EPHA5: variants seen among roughly 807,000 people sequenced by gnomAD.
EPHA5 encodes the protein ephrin type-A receptor 5.
Under a neutral mutation model 105.0 loss-of-function variants are expected in EPHA5, and 60 were observed. That is an observed-to-expected ratio of 0.57 (90% CI 0.46 to 0.71). EPHA5 has a LOEUF of 0.71. EPHA5 is among the 30% of genes least tolerant of loss of function. The pLI is 0.00. For missense variants in EPHA5, 1,218 were observed against 1,274.7 expected, an observed-to-expected ratio of 0.96 and a Z score of 0.68; for synonymous variants, 513 against 449.1, an observed-to-expected ratio of 1.14 and a Z score of -1.80.
intron 2 of EPHA5, among the ~76,000 whole-genome samples, chr4:65,625,704 T>G (rs765749579): frequency 2.0e-4 from 30 of 152,224 alleles, no homozygotes; most frequent in Non-Finnish European, 3.5e-4. Context: ...TAATACTAAT[T>G]GATTCAATTT....
intron 3 of EPHA5, among the ~76,000 whole-genome samples, chr4:65,599,958 A>G (rs1430928048): frequency 6.6e-6 from 1 of 152,140 alleles, no homozygotes. Context: ...GGCCTCTTAT[A>G]CTATCTGTCA....
intron 1 of EPHA5, among the ~76,000 whole-genome samples, chr4:65,669,087 C>T (rs1430642165): frequency 6.6e-6 from 1 of 152,106 alleles, no homozygotes; most frequent in African/African-American, 2.4e-5. Flanking sequence ...TCCAGCCACC[C>T]CCACAACGTT....
At chr4:65,634,030 C>T (rs13114860) in intron 2 of EPHA5, among the ~76,000 whole-genome samples, 4,801 of 151,968 alleles carry the variant, frequency 0.032, 143 homozygotes, top group East Asian at 0.087. Flanking sequence ...GAACTGCTAA[C>T]GAGGAGGAAC....
At chr4:65,663,556 C>T (rs1318661592) in intron 1 of EPHA5, among the ~76,000 whole-genome samples, 3 of 151,924 alleles carry the variant, frequency 2.0e-5, no homozygotes, top group Admixed American at 6.6e-5. Flanking sequence ...AGCACTTTTT[C>T]CTTCTGTTTA....
At chr4:65,472,224 C>T (rs183779766) in intron 5 of EPHA5, among the ~76,000 whole-genome samples, 31 of 152,140 alleles carry the variant, frequency 2.0e-4, no homozygotes, top group African/African-American at 7.5e-4. Flanking sequence ...TCCTTGAGTC[C>T]CTGTCTCACA....
intron 8 of EPHA5, among the ~76,000 whole-genome samples, chr4:65,385,009 T>C (rs1719943691): frequency 6.6e-6 from 1 of 151,750 alleles, no homozygotes; most frequent in African/African-American, 2.4e-5. Flanking sequence ...CGTAGGATTA[T>C]CATGATGAAC....
At chr4:65,519,175 T>C (rs775687863) in intron 3 of EPHA5, among the ~76,000 whole-genome samples, 1 of 151,766 alleles carries the variant, frequency 6.6e-6, no homozygotes, top group East Asian at 1.9e-4. Context: ...ATAATGTAAA[T>C]GCAAATAATA....
chr4:65,517,631 T>A (rs1185140789), intron 3 of EPHA5, among the ~76,000 whole-genome samples: 1 of 151,976 alleles, frequency 6.6e-6, no homozygotes, highest in African/African-American at 2.4e-5. Flanking sequence ...GAATACTGAA[T>A]AATTTTCATA....
chr4:65,366,454 T>C (rs931182487), intron 9 of EPHA5, among the ~76,000 whole-genome samples: 6 of 151,886 alleles, frequency 4.0e-5, no homozygotes, highest in Non-Finnish European at 7.4e-5. Context: ...TTTAATTTTA[T>C]GCAAAATGAT....
chr4:65,544,064 C>T (rs943301986), intron 3 of EPHA5, among the ~76,000 whole-genome samples: 33 of 151,934 alleles, frequency 2.2e-4, no homozygotes, highest in African/African-American at 7.7e-4. Flanking sequence ...ACACCTTATA[C>T]AAAAGTTAAC....
chr4:65,494,793 A>T (rs1487315606), intron 4 of EPHA5, among the ~76,000 whole-genome samples: 1 of 152,146 alleles, frequency 6.6e-6, no homozygotes, highest in Non-Finnish European at 1.5e-5. Flanking sequence ...CTCTGATCTG[A>T]TTTAAATCTT....
intron 3 of EPHA5, among the ~76,000 whole-genome samples, chr4:65,547,731 T>C (rs1022142891): frequency 6.6e-6 from 1 of 152,050 alleles, no homozygotes; most frequent in African/African-American, 2.4e-5. Flanking sequence ...ATTGGCCCTT[T>C]TGACAATCTC....
At chr4:65,500,151 T>C (rs532064564) in intron 3 of EPHA5, among the ~76,000 whole-genome samples, 1 of 151,442 alleles carries the variant, frequency 6.6e-6, no homozygotes, top group Non-Finnish European at 1.5e-5. Flanking sequence ...TAAATACCAA[T>C]CCAAAATGGT....
chr4:65,445,795 A>G (rs933349735), intron 5 of EPHA5, among the ~76,000 whole-genome samples: 1 of 152,166 alleles, frequency 6.6e-6, no homozygotes, highest in African/African-American at 2.4e-5. Flanking sequence ...CTTCAAATCC[A>G]CATATGGATA....
intron 13 of EPHA5, among the ~76,000 whole-genome samples, chr4:65,351,122 T>C (rs1004494422): frequency 6.6e-6 from 1 of 151,490 alleles, no homozygotes; most frequent in Non-Finnish European, 1.5e-5. Context: ...ACATGCTGTA[T>C]CCATTCTGAA....
rs1397460691 is a variant in EPHA5, at chr4:65,566,118, T to A, written c.910+35523A>T. 4.0e-5 allele frequency among the ~76,000 whole-genome samples: 6 copies of A among 151,762 alleles called. No individual in the cohort carries two copies. In the East Asian group the frequency reaches 1.2e-3, roughly 29 times the overall value. The stretch of plus-strand genomic sequence containing the variant: ...GCCCTACTTCTACAACATGGAAATA[T>A]GGTAATTAAGAGCTTTCTGCTCCCA... On this transcript the variant is annotated intron_variant, in intron 3 of 16. Coordinates refer to ENST00000613740, the MANE Select transcript of EPHA5 (RefSeq NM_001281766.3).
chr4:65,441,711 G>A (rs140017479), intron 5 of EPHA5, among the ~76,000 whole-genome samples: 3 of 151,900 alleles, frequency 2.0e-5, no homozygotes, highest in African/African-American at 7.3e-5. Context: ...CTACTGACTC[G>A]CACTGACTCT....
chr4:65,367,248 A>AC, intron 9 of EPHA5, 109 bp downstream of exon 9: 7 of 912,578 alleles, frequency 7.7e-6, no homozygotes, highest in Non-Finnish European at 1.1e-5. Flanking sequence ...AAAAAAAAAA[A>AC]AACAATATTT....
At chr4:65,510,662 A>C (rs1733530410) in intron 3 of EPHA5, among the ~76,000 whole-genome samples, 1 of 152,184 alleles carries the variant, frequency 6.6e-6, no homozygotes, top group Non-Finnish European at 1.5e-5. Flanking sequence ...TTAAAACATT[A>C]GGATGGTTAC....
Sources: gnomAD v4.1 joint callset for allele counts (sites outside exome capture counted in the v4.1 genomes callset) on GRCh38, gnomAD v4.1.1 for gene constraint, MANE v1.5 for transcripts, NCBI Gene and HGNC (gene_info 2026-07-23, HGNC 2026-07-21) for gene names.